TEX2: variants seen among roughly 807,000 people sequenced by gnomAD.
TEX2 encodes testis-expressed protein 2.
A neutral mutation model predicts 106.9 loss-of-function variants in TEX2; 53 were observed. That is an observed-to-expected ratio of 0.50 (90% CI 0.40 to 0.62). The LOEUF (loss-of-function observed/expected upper bound fraction) is 0.62, where lower values mean the gene tolerates loss of function less well. Ranked by LOEUF, TEX2 falls within the 20% of genes least tolerant of loss-of-function variation. The probability of loss-of-function intolerance (pLI) is 0.00; values close to 1 mark genes in which losing one functional copy is unlikely to be tolerated. For missense variants in TEX2, 1,207 were observed against 1,379.0 expected (o/e 0.88, Z 1.98); for synonymous variants, 523 against 534.8 (o/e 0.98, Z 0.30).
chr17:64,154,690 GA>G, intron 9 of TEX2, 151 bp downstream of exon 9: 1 of 786,074 alleles, frequency 1.3e-6, no homozygotes, highest in Non-Finnish European at 1.7e-6. Flanking sequence ...AATTTAAACA[GA>G]CCACTGACCT....
intron 1 of TEX2, among the ~76,000 whole-genome samples, chr17:64,244,657 G>A (rs1361364143): frequency 6.6e-6 from 1 of 151,950 alleles, no homozygotes; most frequent in Non-Finnish European, 1.5e-5. Flanking sequence ...TGTTCCCACT[G>A]TCCCCTGCCC....
intron 5 of TEX2, among the ~76,000 whole-genome samples, chr17:64,181,158 T>C (rs2143809868): frequency 6.6e-6 from 1 of 152,332 alleles, no homozygotes; most frequent in Non-Finnish European, 1.5e-5. Context: ...AGTGTATATA[T>C]ACATTTAAGA....
chr17:64,226,446 A>G (rs1407210642), intron 1 of TEX2, among the ~76,000 whole-genome samples: 1 of 152,232 alleles, frequency 6.6e-6, no homozygotes, highest in Non-Finnish European at 1.5e-5. Flanking sequence ...TTAAGAAATC[A>G]TGTTTTTAAC....
At chr17:64,206,028 T>C (rs1483756420) in intron 2 of TEX2, among the ~76,000 whole-genome samples, 1 of 152,226 alleles carries the variant, frequency 6.6e-6, no homozygotes, top group Non-Finnish European at 1.5e-5. Context: ...ATTATAAACA[T>C]GTAGAAAGTT....
At position 64,205,027 on chromosome 17, in the gene TEX2, ATT is replaced by A. The variant is rs1326950477; in HGVS notation, c.1644+7545_1644+7546del. 6.6e-6 allele frequency among the ~76,000 whole-genome samples: 1 copy of A among 152,200 alleles called. No homozygotes were observed. The highest frequency in any genetic ancestry group is 1.5e-5 in the Non-Finnish European group (1 of 68,034). On this transcript the variant is annotated intron_variant, in intron 2 of 11. Coordinates refer to ENST00000584379, the MANE Select transcript of TEX2 (RefSeq NM_001288732.2). This position sits in a 1 kb window ranked among gnomAD's most constrained non-coding sequence, Gnocchi z 4.0. ...TTAAAAATGAAAGTTCAAAAAAGTC[ATT>A]TTGGGACTACCTGACATCCTTAACC...
intron 1 of TEX2, among the ~76,000 whole-genome samples, chr17:64,223,276 T>A (rs552877762): frequency 6.7e-5 from 10 of 150,158 alleles, no homozygotes; most frequent in African/African-American, 2.4e-4. Context: ...TCAGGCTGTA[T>A]AATAAAAAAT....
At chr17:64,235,512 G>C (rs2033748559) in intron 1 of TEX2, among the ~76,000 whole-genome samples, 1 of 152,224 alleles carries the variant, frequency 6.6e-6, no homozygotes, top group Non-Finnish European at 1.5e-5. Context: ...TGACAACTCA[G>C]GCAAGCACTG....
intron 1 of TEX2, among the ~76,000 whole-genome samples, chr17:64,257,605 C>T (rs34313633): frequency 0.074 from 11,211 of 152,284 alleles, 515 homozygotes; most frequent in Non-Finnish European, 0.11. Flanking sequence ...AGCAGATCCA[C>T]GCCGTAGGCG....
chr17:64,189,190 T>C (rs1203905943), intron 4 of TEX2, among the ~76,000 whole-genome samples: 1 of 152,186 alleles, frequency 6.6e-6, no homozygotes, highest in East Asian at 1.9e-4. Context: ...TCCCTGCCCT[T>C]GAACTCACGC....
At chr17:64,246,210 G>A (rs924025833) in intron 1 of TEX2, among the ~76,000 whole-genome samples, 6 of 152,200 alleles carry the variant, frequency 3.9e-5, no homozygotes, top group African/African-American at 1.4e-4. Context: ...CTAAATTTCT[G>A]CTAACAGGGA....
intron 1 of TEX2, among the ~76,000 whole-genome samples, chr17:64,222,518 CAAAA>C (rs11296538): frequency 1.0e-5 from 1 of 99,128 alleles, no homozygotes; most frequent in Non-Finnish European, 2.1e-5. Context: ...TTCCAACTCA[CAAAA>C]AAAAAAAAAA....
rs990459955 is a variant in TEX2 at position 64,148,145 on chromosome 17, C to T, written c.*824G>A. 2.6e-5 allele frequency: 4 copies of T among 152,570 alleles called. No individual in the cohort carries two copies. Among genetic ancestry groups the T allele is most frequent in the African/African-American group, 9.7e-5 (4 of 41,420 alleles). The allele number at this position is 152,570 out of a possible 1,614,324, so 9.5% of individuals were successfully genotyped here. ...ATATAAACCTGGAGGACACAGGAAACGCCAGATGGAAAAACTGGCTCTGGC... is the reference window on the plus strand; with the variant it reads ...ATATAAACCTGGAGGACACAGGAAATGCCAGATGGAAAAACTGGCTCTGGC... On this transcript the variant is annotated 3_prime_UTR_variant, in exon 12 of 12. Coordinates refer to ENST00000584379, the MANE Select transcript of TEX2 (RefSeq NM_001288732.2).
At chr17:64,206,550 CTTTTTTT>C (rs60956243) in intron 2 of TEX2, among the ~76,000 whole-genome samples, 6 of 77,204 alleles carry the variant, frequency 7.8e-5, no homozygotes, top group Middle Eastern at 7.6e-3. Flanking sequence ...AGAGGTCTTA[CTTTTTTT>C]TTTTTTTTTT....
intron 10 of TEX2, 21 bp downstream of exon 10, chr17:64,152,923 TC>T (rs1299501787): frequency 6.2e-7 from 1 of 1,608,314 alleles, no homozygotes; most frequent in Admixed American, 1.7e-5. Context: ...TCACTTATTG[TC>T]CCTGAGGGCC....
chr17:64,186,734 G>A (rs1333289695), intron 5 of TEX2, among the ~76,000 whole-genome samples: 3 of 152,088 alleles, frequency 2.0e-5, no homozygotes, highest in Non-Finnish European at 4.4e-5. Flanking sequence ...AGGAGGGTGA[G>A]AGGATCACTT....
chr17:64,218,064 C>T (rs2033236095), intron 1 of TEX2, among the ~76,000 whole-genome samples: 1 of 152,054 alleles, frequency 6.6e-6, no homozygotes, highest in Non-Finnish European at 1.5e-5. Flanking sequence ...CTGAACACAA[C>T]TAACAATGAA....
At chr17:64,170,645 T>C (rs1395371657) in intron 7 of TEX2, among the ~76,000 whole-genome samples, 2 of 143,480 alleles carry the variant, frequency 1.4e-5, no homozygotes, top group African/African-American at 5.2e-5. Flanking sequence ...TTTTTTTTTT[T>C]TTGTGAGACA....
intron 1 of TEX2, among the ~76,000 whole-genome samples, chr17:64,225,570 C>G (rs2033481363): frequency 6.6e-6 from 1 of 152,150 alleles, no homozygotes; most frequent in African/African-American, 2.4e-5. Flanking sequence ...CTTGAGAAAT[C>G]TGAAAACCAG....
chr17:64,153,734 C>A lies in TEX2; in HGVS notation c.2931-580G>T, dbSNP rs1369147248. Among the ~76,000 whole-genome samples the A allele has an allele frequency of 6.6e-6, 1 of 152,122 alleles. No homozygotes were observed. The highest frequency in any genetic ancestry group is 1.5e-5 in the Non-Finnish European group (1 of 68,022). On this transcript the variant is annotated intron_variant, in intron 9 of 11. Transcript: ENST00000584379. This position sits in a 1 kb window ranked among gnomAD's most constrained non-coding sequence, Gnocchi z 4.1. ...TGGAACTTCTTAAAGAAAAATGTAG[C>A]CTGGGCAACACAGTGAGACCCCCAT...
Sources: gnomAD v4.1 joint callset for allele counts (sites outside exome capture counted in the v4.1 genomes callset) on GRCh38, gnomAD v4.1.1 for gene constraint, Gnocchi (gnomAD v3.1) non-coding constraint, MANE v1.5 for transcripts, NCBI Gene and HGNC (gene_info 2026-07-23, HGNC 2026-07-21) for gene names.